The following ZFP14 variants were observed in gnomAD, a reference collection of about 807,000 sequenced individuals.
The protein encoded by ZFP14 is zinc finger protein 14 homolog.
A neutral mutation model predicts 54.5 loss-of-function variants in ZFP14; 22 were observed. The observed-to-expected ratio is 0.40, with a 90% confidence interval of 0.29 to 0.58. The LOEUF is 0.58. Among genes scored for constraint, ZFP14 ranks in the 20% least tolerant of loss-of-function variants. ZFP14 has a pLI of 0.39. For synonymous variants in ZFP14, 159 were observed against 204.0 expected, an observed-to-expected ratio of 0.78 and a Z score of 1.88; for missense variants, 470 against 637.8, an observed-to-expected ratio of 0.74 and a Z score of 2.83.
intron 1 of ZFP14, chr19:36,378,610 T>C (rs1324789773): frequency 6.6e-6 from 1 of 152,164 alleles, no homozygotes; most frequent in Non-Finnish European, 1.5e-5. Context: ...ACAGCAATCA[T>C]TTCCTCCTCT....
chr19:36,362,531 C>T (rs557801673), intron 2 of ZFP14, among the ~76,000 whole-genome samples: 1 of 152,136 alleles, frequency 6.6e-6, no homozygotes, highest in South Asian at 2.1e-4. Flanking sequence ...AAATAGTGCA[C>T]GCAAGCCTTT....
intron 4 of ZFP14, among the ~76,000 whole-genome samples, chr19:36,355,376 C>A (rs1282778191): frequency 7.0e-6 from 1 of 142,148 alleles, no homozygotes; most frequent in African/African-American, 2.6e-5. Flanking sequence ...GAATTACTGG[C>A]CTTGTAAGAA....
In ZFP14 at chr19:36,340,032, A is replaced by G. The variant is rs2145537629; in HGVS notation, c.*192T>C. On this transcript the variant is annotated 3_prime_UTR_variant, in exon 5 of 5. Coordinates refer to ENST00000270001, the MANE Select transcript of ZFP14 (RefSeq NM_020917.3). This position sits in a 1 kb window ranked among gnomAD's most constrained non-coding sequence, Gnocchi z 5.4. Reference sequence around the variant, plus strand: ...TAAGGCTAAAGATTTTCCTACATTCATTACATTATTCTCTCATAGGAATTT... The same window carrying G: ...TAAGGCTAAAGATTTTCCTACATTCGTTACATTATTCTCTCATAGGAATTT... 3.8e-6 allele frequency: 2 copies of G among 519,488 alleles called. No homozygotes were observed. Among genetic ancestry groups the G allele is most frequent in the South Asian group, 9.5e-5 (2 of 21,164 alleles). 32.2% of individuals were successfully genotyped at this position (519,488 alleles called of 1,614,324 possible). A position where few individuals can be genotyped will look rare whatever the true frequency, so the allele number is the denominator to read the frequency against.
rs569730833 is a variant in ZFP14 at position 36,373,895 on chromosome 19, G to C, written c.-80+5268C>G. ...CCACTGCACTCAAGCCTGGGCAACA[G>C]AGTAAGACCCCATCTCAAAAAAAAA... is the stretch of plus-strand genomic sequence containing the variant. On this transcript the variant is annotated intron_variant, in intron 1 of 4. Coordinates refer to ENST00000270001, the MANE Select transcript of ZFP14 (RefSeq NM_020917.3). Among the ~76,000 whole-genome samples, 17 of 78,116 alleles carry C rather than the reference G, an allele frequency of 2.2e-4. No homozygotes were observed. The South Asian group carries it at 6.8e-3, about 31-fold the overall frequency. The allele number at this position is 78,116 out of a possible 152,430, so 51.2% of individuals were successfully genotyped here.
rs777679360 is a variant in ZFP14 at position 36,341,274 on chromosome 19, G to T, written c.552C>A (p.Arg184=). The T allele has an allele frequency of 6.2e-7, 1 of 1,614,132 alleles. No homozygotes were observed. Among genetic ancestry groups the T allele is most frequent in the Admixed American group, 1.7e-5 (1 of 60,022 alleles). The change falls in exon 5 of 5, where the codon CGC becomes CGA. Residue 184 remains arginine (R), a synonymous_variant. Coordinates refer to ENST00000270001, the MANE Select transcript of ZFP14 (RefSeq NM_020917.3). The surrounding 1 kb of genome is among the most constrained non-coding windows in gnomAD (Gnocchi z 4.2). ...CKECRKTFIR[R]STLSQHLRIH... ...TTCTCAGGTGTTGACTAAGTGTTGAGCGACGAATAAAGGTCTTCCTACACT... is the reference window on the plus strand; with the variant it reads ...TTCTCAGGTGTTGACTAAGTGTTGATCGACGAATAAAGGTCTTCCTACACT...
At chr19:36,357,712 C>A (rs755493795) in intron 4 of ZFP14, among the ~76,000 whole-genome samples, 13 of 151,544 alleles carry the variant, frequency 8.6e-5, no homozygotes, top group African/African-American at 3.1e-4. Flanking sequence ...GTCTTGATCA[C>A]TGTAGTTTTA....
rs748422706 is a variant in ZFP14 at position 36,338,520 on chromosome 19, TA to T, written c.*1703del. 0.044 allele frequency: 5,972 copies of T among 134,982 alleles called. 128 individuals carry two copies. The highest frequency in any genetic ancestry group is 0.058 in the Non-Finnish European group (3,590 of 62,242). The allele number at this position is 134,982 out of a possible 1,614,324, so 8.4% of individuals were successfully genotyped here. ...GGGCAACATAGTGAGACCCTTTCTC[TA>T]AAAAAAAAAAAAAAATTTAGGTGGA... is the stretch of plus-strand genomic sequence containing the variant. On this transcript the variant is annotated 3_prime_UTR_variant, in exon 5 of 5. Transcript: ENST00000270001.
chr19:36,349,236 AAAAAAACAAAAAAAAAAAAAC>A lies in ZFP14; in HGVS notation c.236-7667_236-7647del, dbSNP rs1432163739. Among the ~76,000 whole-genome samples, 24 of 44,840 alleles carry A rather than the reference AAAAAAACAAAAAAAAAAAAAC, an allele frequency of 5.4e-4. No homozygotes were observed. In the South Asian group the frequency reaches 0.012, roughly 22 times the overall value. 29.4% of individuals were successfully genotyped at this position (44,840 alleles called of 152,430 possible). A position where few individuals can be genotyped will look rare whatever the true frequency, so the allele number is the denominator to read the frequency against. Reference sequence around the variant, plus strand: ...ATAAGAGGGGAACTCTGTCTCAAAAAAAAAAACAAAAAAAAAAAAACAAAAAAAAAAAAACAGGAAGAACAT... The same window carrying A: ...ATAAGAGGGGAACTCTGTCTCAAAAAAAAAAAAAAAAAACAGGAAGAACAT... On this transcript the variant is annotated intron_variant, in intron 4 of 4. Coordinates refer to ENST00000270001, the MANE Select transcript of ZFP14 (RefSeq NM_020917.3).
At position 36,340,718 on chromosome 19, in the gene ZFP14, A is replaced by G; in HGVS notation, c.1108T>C (p.Cys370Arg). 1.2e-6 allele frequency: 2 copies of G among 1,613,966 alleles called. No homozygotes were observed. The highest frequency in any genetic ancestry group is 1.7e-6 in the Non-Finnish European group (2 of 1,179,962). ...CTAAAAGTCTTCCCACATTCCTTAC[A>G]TTCGTAGGGTTTCTCACCAGTATGA... ...SIHTGEKPYE[C>R]KECGKTFRLR... The change falls in exon 5 of 5, where the codon TGT (cysteine) becomes CGT (arginine). Residue 370 changes from cysteine (C) to arginine (R), a missense_variant. Physicochemically the swap from Cys to Arg is radical, Grantham distance 180. Coordinates refer to ENST00000270001, the MANE Select transcript of ZFP14 (RefSeq NM_020917.3). The surrounding 1 kb of genome is among the most constrained non-coding windows in gnomAD (Gnocchi z 5.4).
At position 36,347,566 on chromosome 19, in the gene ZFP14, G is replaced by A. The variant is rs1435708483; in HGVS notation, c.236-5976C>T. Among the ~76,000 whole-genome samples the A allele has an allele frequency of 2.0e-5, 3 of 151,644 alleles. No individual in the cohort carries two copies. The East Asian group carries it at 5.9e-4, about 30-fold the overall frequency. On this transcript the variant is annotated intron_variant, in intron 4 of 4. Coordinates refer to ENST00000270001, the MANE Select transcript of ZFP14 (RefSeq NM_020917.3). The stretch of plus-strand genomic sequence containing the variant: ...AGAGGTTGCAATGAGCCGAGATCAC[G>A]CCACTGCACTATAGCCTGGGTGACA...
chr19:36,347,946 T>C (rs1299385996), intron 4 of ZFP14, among the ~76,000 whole-genome samples: 2 of 152,026 alleles, frequency 1.3e-5, no homozygotes, highest in African/African-American at 4.8e-5. Flanking sequence ...TAACCCTAGC[T>C]ACTCGGGAGG....
intron 4 of ZFP14, among the ~76,000 whole-genome samples, chr19:36,342,529 T>C (rs2031339559): frequency 6.6e-6 from 1 of 151,946 alleles, no homozygotes; most frequent in African/African-American, 2.4e-5. Context: ...ACAAATAAAA[T>C]AGTTGACATC....
At position 36,340,717 on chromosome 19, in the gene ZFP14, C is replaced by T; in HGVS notation, c.1109G>A (p.Cys370Tyr). ...TCTAAAAGTCTTCCCACATTCCTTA[C>T]ATTCGTAGGGTTTCTCACCAGTATG... ...SIHTGEKPYE[C>Y]KECGKTFRLR... Residue 370 changes from cysteine to tyrosine, a missense_variant, in exon 5 of 5, where the codon TGT (cysteine) becomes TAT (tyrosine). Cys to Tyr is a radical substitution (Grantham distance 194). Transcript: ENST00000270001. This position sits in a 1 kb window ranked among gnomAD's most constrained non-coding sequence, Gnocchi z 5.4. The T allele has an allele frequency of 6.2e-7, 1 of 1,614,064 alleles. No homozygotes were observed. Among genetic ancestry groups the T allele is most frequent in the South Asian group, 1.1e-5 (1 of 91,076 alleles).
chr19:36,358,141 T>C (rs1273342713), intron 4 of ZFP14, among the ~76,000 whole-genome samples: 1 of 149,600 alleles, frequency 6.7e-6, no homozygotes. Flanking sequence ...GATGGAGTCT[T>C]GCTCTATCGT....
At chr19:36,357,245 G>A (rs1306047813) in intron 4 of ZFP14, among the ~76,000 whole-genome samples, 1 of 152,192 alleles carries the variant, frequency 6.6e-6, no homozygotes, top group African/African-American at 2.4e-5. Context: ...GTTTCGCCAT[G>A]TTGGCCAGGC....
At position 36,337,724 on chromosome 19, in the gene ZFP14, G is replaced by T. The variant is rs1156920984; in HGVS notation, c.*2500C>A. ...CAGCAATAAGGCTTTGTAGATGGTG[G>T]TGTGGACTTCCTATTGCATTACGTC... On this transcript the variant is annotated 3_prime_UTR_variant, in exon 5 of 5. Transcript: ENST00000270001. 6.6e-6 allele frequency: 1 copy of T among 152,108 alleles called. No individual in the cohort carries two copies. Among genetic ancestry groups the T allele is most frequent in the Non-Finnish European group, 1.5e-5 (1 of 68,042 alleles). 9.4% of individuals were successfully genotyped at this position (152,108 alleles called of 1,614,324 possible). A position where few individuals can be genotyped will look rare whatever the true frequency, so the allele number is the denominator to read the frequency against.
Position 36,341,994 on chromosome 19 carries a change from G to A in ZFP14, c.236-404C>T, listed in dbSNP as rs899962465. ...AGCCTCCCAAGTAGCTGGGACTACC[G>A]GCACCTGCCACCACGCCCGGCTAAT... On this transcript the variant is annotated intron_variant, in intron 4 of 4. Transcript: ENST00000270001. This position sits in a 1 kb window ranked among gnomAD's most constrained non-coding sequence, Gnocchi z 4.2. Among the ~76,000 whole-genome samples, 5 of 151,686 alleles carry A rather than the reference G, an allele frequency of 3.3e-5. No homozygotes were observed. In the East Asian group the frequency reaches 9.7e-4, roughly 29 times the overall value.
At chr19:36,376,638 A>C (rs1401827272) in intron 1 of ZFP14, among the ~76,000 whole-genome samples, 3 of 152,232 alleles carry the variant, frequency 2.0e-5, no homozygotes, top group Non-Finnish European at 4.4e-5. Flanking sequence ...GGGTACAAAG[A>C]TAAAACAAAT....
rs1380276633 is a variant in ZFP14, at chr19:36,361,985, A to G, written c.136+127T>C. The G allele has an allele frequency of 1.6e-5, 18 of 1,131,534 alleles. No individual in the cohort carries two copies. The Admixed American group carries it at 5.1e-4, about 32-fold the overall frequency. The allele number at this position is 1,131,534 out of a possible 1,614,324, so 70.1% of individuals were successfully genotyped here. ...TGGACATGATGAAATGGAGAGGCCTAGTTCCAACCTGACAAAGCTTAAATC... is the reference window on the plus strand; with the variant it reads ...TGGACATGATGAAATGGAGAGGCCTGGTTCCAACCTGACAAAGCTTAAATC... On this transcript the variant is annotated intron_variant, in intron 3 of 4. Transcript: ENST00000270001.
Sources: allele counts gnomAD v4.1 joint callset (sites outside exome capture counted in the v4.1 genomes callset), GRCh38; gene constraint gnomAD v4.1.1; non-coding constraint Gnocchi (gnomAD v3.1); transcripts MANE v1.5; gene names NCBI Gene and HGNC (gene_info 2026-07-23, HGNC 2026-07-21).